The following ADGRV1 variants were observed in gnomAD, a reference collection of about 807,000 sequenced individuals.
ADGRV1 encodes the protein G-protein coupled receptor 98.
ADGRV1 carries 359 observed loss-of-function variants against 596.2 expected under a neutral mutation model. The observed-to-expected ratio is 0.60, with a 90% confidence interval of 0.55 to 0.66. ADGRV1 has a LOEUF of 0.66. Ranked by LOEUF, ADGRV1 falls within the 30% of genes least tolerant of loss-of-function variation. ADGRV1 has a pLI of 0.00. For synonymous variants in ADGRV1, 2,681 were observed against 2,679.2 expected, an observed-to-expected ratio of 1.00 and a Z score of -0.02; for missense variants, 7,274 against 7,575.6, an observed-to-expected ratio of 0.96 and a Z score of 1.48.
chr5:90,687,061 T>A lies in ADGRV1; in HGVS notation c.6490+1066T>A, dbSNP rs554185654. On this transcript the variant is annotated intron_variant, in intron 29 of 89. Coordinates refer to ENST00000405460, the MANE Select transcript of ADGRV1 (RefSeq NM_032119.4). Reference sequence around the variant, plus strand: ...TCCTTTGCCCACTTTTTGATGGGGTTGTTTTTTTCTTGTAAATTTGTTTGA... The same window carrying A: ...TCCTTTGCCCACTTTTTGATGGGGTAGTTTTTTTCTTGTAAATTTGTTTGA... Among the ~76,000 whole-genome samples, 232 of 152,186 alleles carry A rather than the reference T, an allele frequency of 1.5e-3. 3 individuals carry two copies. The highest frequency in any genetic ancestry group is 5.3e-3 in the African/African-American group (220 of 41,534).
intron 87 of ADGRV1, among the ~76,000 whole-genome samples, chr5:91,141,813 G>C (rs1473452042): frequency 6.6e-6 from 1 of 152,156 alleles, no homozygotes; most frequent in South Asian, 2.1e-4. Flanking sequence ...ACTTCCCAGG[G>C]GTGTCTGCCA....
intron 34 of ADGRV1, 30 bp downstream of exon 34, chr5:90,697,176 A>G: frequency 1.3e-6 from 2 of 1,569,372 alleles, no homozygotes; most frequent in Non-Finnish European, 1.7e-6. Flanking sequence ...AAGCATATTC[A>G]TTTTCTTTTC....
In ADGRV1 at chr5:90,791,097, A is replaced by G. The variant is rs1190635573; in HGVS notation, c.14268A>G (p.Ala4756=). ...GTATCACATGGTTCTCTGTTTATGC[A>G]AATGATGACCCACATGGAGTATTTG... ...EKSITWFSVY[A]NDDPHGVFAL... Residue 4756 remains alanine, a synonymous_variant, in exon 70 of 90, where the codon GCA becomes GCG. Transcript: ENST00000405460. 4 of 1,613,998 alleles carry G rather than the reference A, an allele frequency of 2.5e-6. No homozygotes were observed.
At chr5:91,014,136 CCACA>C (rs70973720) in intron 85 of ADGRV1, among the ~76,000 whole-genome samples, 3,042 of 35,646 alleles carry the variant, frequency 0.085, 72 homozygotes, top group Non-Finnish European at 0.14. Flanking sequence ...TTCACAATTG[CCACA>C]CACACACACA....
intron 70 of ADGRV1, among the ~76,000 whole-genome samples, chr5:90,797,305 A>AAAAAAAAC (rs1760846796): frequency 1.3e-5 from 2 of 150,076 alleles, no homozygotes; most frequent in African/African-American, 2.5e-5. Context: ...AAAAAAAAAA[A>AAAAAAAAC]AAAAAAGCAG....
At chr5:90,605,257 A>C (rs1399632884) in intron 1 of ADGRV1, among the ~76,000 whole-genome samples, 1 of 152,080 alleles carries the variant, frequency 6.6e-6, no homozygotes, top group African/African-American at 2.4e-5. Flanking sequence ...TCTAATAAAA[A>C]TAGAAAAATT....
At chr5:90,618,206 C>T (rs1215237816) in intron 3 of ADGRV1, among the ~76,000 whole-genome samples, 2 of 152,130 alleles carry the variant, frequency 1.3e-5, no homozygotes, top group Admixed American at 6.5e-5. Flanking sequence ...GACAGTTGCT[C>T]CAGAAAACTT....
At chr5:90,621,642 T>C (rs1764086507) in intron 4 of ADGRV1, among the ~76,000 whole-genome samples, 1 of 152,182 alleles carries the variant, frequency 6.6e-6, no homozygotes, top group African/African-American at 2.4e-5. Context: ...TATCTTAGCC[T>C]ATGGGAATGA....
Position 90,583,260 on chromosome 5 carries a change from C to T in ADGRV1, c.22+24343C>T, listed in dbSNP as rs80100169. On this transcript the variant is annotated intron_variant, in intron 1 of 89. Coordinates refer to ENST00000405460, the MANE Select transcript of ADGRV1 (RefSeq NM_032119.4). ...GACTTTCCTGAAGCTTTTTAGCTTCCGAGAGACTTTACTTCATCTCATTTT... is the reference window on the plus strand; with the variant it reads ...GACTTTCCTGAAGCTTTTTAGCTTCTGAGAGACTTTACTTCATCTCATTTT... Among the ~76,000 whole-genome samples, 171 of 151,898 alleles carry T rather than the reference C, an allele frequency of 1.1e-3. 1 individual carries two copies. In the East Asian group the frequency reaches 0.025, roughly 22 times the overall value.
rs370592332 is a variant in ADGRV1, at chr5:90,697,056, G to A, written c.8065G>A (p.Asp2689Asn). 6.2e-6 allele frequency: 10 copies of A among 1,613,292 alleles called. No individual in the cohort carries two copies. The highest frequency in any genetic ancestry group is 4.0e-5 in the African/African-American group (3 of 74,884). Reference protein sequence around the residue: ...EGGSRILPSSDTVRVNILAND... With the variant: ...EGGSRILPSSNTVRVNILAND... ...TGGAAGTAGAATTTTGCCAAGCTCC[G>A]ACACTGTTAGAGTGAACATTTTGGC... is the stretch of plus-strand genomic sequence containing the variant. The change falls in exon 34 of 90, where the codon GAC becomes AAC. Residue 2689 changes from aspartate (D) to asparagine (N), a missense_variant. By Grantham distance (23) the Asp-to-Asn change is conservative. Coordinates refer to ENST00000405460, the MANE Select transcript of ADGRV1 (RefSeq NM_032119.4).
Position 90,776,136 on chromosome 5 carries a change from G to T in ADGRV1, c.12404-317G>T, listed in dbSNP as rs2150069870. ...GTCAATTGCAGTGAGCTGCAAAATG[G>T]TTACTGTAGAAACAAATTAATGCCA... On this transcript the variant is annotated intron_variant, in intron 60 of 89. Transcript: ENST00000405460. 2.0e-5 allele frequency among the ~76,000 whole-genome samples: 3 copies of T among 152,280 alleles called. 1 individual carries two copies. Among genetic ancestry groups the T allele is most frequent in the Admixed American group, 2.0e-4 (3 of 15,288 alleles).
chr5:90,781,070 G>A (rs949957870), intron 64 of ADGRV1: 1 of 239,254 alleles, frequency 4.2e-6, no homozygotes, highest in African/African-American at 2.3e-5. Context: ...ATCTCTGAGT[G>A]CACTAGGTCT....
chr5:90,558,943 T>C (rs1754422828), intron 1 of ADGRV1, 26 bp downstream of exon 1: 1 of 1,550,048 alleles, frequency 6.5e-7, no homozygotes, highest in African/African-American at 1.4e-5. Flanking sequence ...GGGGTGGTGC[T>C]GCGAGCATCG....
intron 83 of ADGRV1, among the ~76,000 whole-genome samples, chr5:90,917,289 ATGGAGCCAT>A (rs1442516311): frequency 1.3e-5 from 2 of 152,228 alleles, no homozygotes; most frequent in Non-Finnish European, 2.9e-5. Flanking sequence ...ATGTTTATAA[ATGGAGCCAT>A]TGGTAGTTCC....
chr5:91,076,366 G>A (rs1406888587), intron 86 of ADGRV1, among the ~76,000 whole-genome samples: 3 of 152,134 alleles, frequency 2.0e-5, no homozygotes, highest in Non-Finnish European at 4.4e-5. Context: ...TTGTTTTGGT[G>A]TGTGTGGTTG....
rs1749251268 is a variant in ADGRV1 at position 90,710,922 on chromosome 5, A to T, written c.8825-59A>T. 16 of 1,008,816 alleles carry T rather than the reference A, an allele frequency of 1.6e-5. No homozygotes were observed. The South Asian group carries it at 2.4e-4, about 15-fold the overall frequency. The allele number at this position is 1,008,816 out of a possible 1,614,324, so 62.5% of individuals were successfully genotyped here. A position where few individuals can be genotyped will look rare whatever the true frequency, so the allele number is the denominator to read the frequency against. Reference sequence around the variant, plus strand: ...CAAAGGGACTGTCTTTAAATCCTATATCAAAAATATTTTTAATCATTTATA... The same window carrying T: ...CAAAGGGACTGTCTTTAAATCCTATTTCAAAAATATTTTTAATCATTTATA... On this transcript the variant is annotated intron_variant, in intron 39 of 89. Transcript: ENST00000405460.
At chr5:90,837,495 C>T (rs1414182810) in intron 77 of ADGRV1, among the ~76,000 whole-genome samples, 4 of 151,372 alleles carry the variant, frequency 2.6e-5, no homozygotes, top group Admixed American at 6.6e-5. Context: ...CTCAGTCTCT[C>T]GAGTAACTGC....
chr5:91,017,582 C>T (rs923393638), intron 85 of ADGRV1, among the ~76,000 whole-genome samples: 1 of 151,832 alleles, frequency 6.6e-6, no homozygotes, highest in African/African-American at 2.4e-5. Flanking sequence ...CTGTGCTGTG[C>T]CTCTTGGTAA....
chr5:90,845,105 G>A (rs1288659583), intron 78 of ADGRV1, among the ~76,000 whole-genome samples: 1 of 152,170 alleles, frequency 6.6e-6, no homozygotes, highest in African/African-American at 2.4e-5. Flanking sequence ...CAGTCCAGGT[G>A]GTTGCTTTGG....
Sources: allele counts gnomAD v4.1 joint callset (sites outside exome capture counted in the v4.1 genomes callset), GRCh38; gene constraint gnomAD v4.1.1; transcripts MANE v1.5; gene names NCBI Gene and HGNC (gene_info 2026-07-23, HGNC 2026-07-21).